The following PPM1G variants were observed in gnomAD, a reference collection of about 807,000 sequenced individuals.
The protein encoded by PPM1G is protein phosphatase 1G.
In PPM1G, 12 loss-of-function variants were observed where a neutral mutation model predicts 59.4. That is an observed-to-expected ratio of 0.20 (90% CI 0.13 to 0.33). The LOEUF (loss-of-function observed/expected upper bound fraction) is 0.33. Among genes scored for constraint, PPM1G ranks in the 10% least tolerant of loss-of-function variants. The pLI is 1.00. For missense variants in PPM1G, 392 were observed against 681.3 expected (o/e 0.58, Z 4.73); for synonymous variants, 245 against 251.9 (o/e 0.97, Z 0.26).
At position 27,381,351 on chromosome 2, in the gene PPM1G, C is replaced by T; in HGVS notation, c.*248G>A. 1 of 560,258 alleles carries T rather than the reference C, an allele frequency of 1.8e-6. No individual in the cohort carries two copies. The highest frequency in any genetic ancestry group is 3.2e-6 in the Non-Finnish European group (1 of 311,816). The allele number at this position is 560,258 out of a possible 1,614,324, so 34.7% of individuals were successfully genotyped here. ...AAACCAGAACCGCCAGTCCTTCCCT[C>T]CAACACAACAGAGCACAGGCACAGA... is the stretch of plus-strand genomic sequence containing the variant. On this transcript the variant is annotated 3_prime_UTR_variant, in exon 10 of 10. Transcript: ENST00000344034.
chr2:27,383,659 T>G lies in PPM1G; in HGVS notation c.967-59A>C. 1 of 1,479,992 alleles carries G rather than the reference T, an allele frequency of 6.8e-7. No individual in the cohort carries two copies. Among genetic ancestry groups the G allele is most frequent in the Non-Finnish European group, 9.2e-7 (1 of 1,086,310 alleles). The allele number at this position is 1,479,992 out of a possible 1,614,324, so 91.7% of individuals were successfully genotyped here. On this transcript the variant is annotated intron_variant, in intron 6 of 9. Coordinates refer to ENST00000344034, the MANE Select transcript of PPM1G (RefSeq NM_177983.3). The surrounding 1 kb of genome is among the most constrained non-coding windows in gnomAD (Gnocchi z 5.0). ...TCTGAACATGCGTTCCTCACTGATG[T>G]GCTCCTGATCGTTCACCTATGCTTG...
In PPM1G at chr2:27,409,384, G is replaced by C; in HGVS notation, c.39C>G (p.Cys13Trp). 2 of 1,540,758 alleles carry C rather than the reference G, an allele frequency of 1.3e-6. No homozygotes were observed. The highest frequency in any genetic ancestry group is 1.7e-6 in the Non-Finnish European group (2 of 1,142,946). The change falls in exon 1 of 10, where the codon TGC becomes TGG. Residue 13 changes from cysteine (C) to tryptophan (W), a missense_variant. Coordinates refer to ENST00000344034, the MANE Select transcript of PPM1G (RefSeq NM_177983.3). ...AYLSQPNTVKCSGDGVGAPRL... is the reference protein window; with the variant it reads ...AYLSQPNTVKWSGDGVGAPRL... ...GCGGGGCGCCGACCCCGTCCCCGGA[G>C]CACTTCACCGTGTTGGGCTGGGAGA...
chr2:27,408,047 CAA>C (rs769897290), intron 1 of PPM1G, among the ~76,000 whole-genome samples: 11 of 116,278 alleles, frequency 9.5e-5, no homozygotes, highest in Admixed American at 2.7e-4. Context: ...AATTCTGTCT[CAA>C]AAAAAAAAAA....
intron 1 of PPM1G, among the ~76,000 whole-genome samples, chr2:27,404,737 G>A (rs1663304622): frequency 6.6e-6 from 1 of 151,604 alleles, no homozygotes; most frequent in African/African-American, 2.4e-5. Flanking sequence ...GAGGTCAGGA[G>A]TTGGAGACCA....
chr2:27,394,804 G>A (rs1684006470), intron 1 of PPM1G, among the ~76,000 whole-genome samples: 1 of 149,994 alleles, frequency 6.7e-6, no homozygotes, highest in Admixed American at 6.7e-5. Flanking sequence ...TTTTCCAGGA[G>A]TTTGACACAA....
At chr2:27,400,713 G>C (rs1403530477) in intron 1 of PPM1G, among the ~76,000 whole-genome samples, 1 of 152,210 alleles carries the variant, frequency 6.6e-6, no homozygotes, top group Non-Finnish European at 1.5e-5. Context: ...GGAGTTCTGG[G>C]TCTTTTGCTT....
intron 1 of PPM1G, among the ~76,000 whole-genome samples, chr2:27,404,994 T>G (rs1373510718): frequency 1.3e-5 from 2 of 150,940 alleles, no homozygotes; most frequent in African/African-American, 2.4e-5. Context: ...TATTTTCAGA[T>G]TTGACTTCTT....
chr2:27,405,113 G>A (rs1244851789), intron 1 of PPM1G, among the ~76,000 whole-genome samples: 11 of 122,656 alleles, frequency 9.0e-5, no homozygotes, highest in African/African-American at 3.2e-4. Context: ...TCACCCTGTC[G>A]CCCAGGCTGG....
chr2:27,386,009 C>T (rs2148418913), intron 3 of PPM1G, 130 bp from the exon 4 acceptor site: 1 of 1,321,026 alleles, frequency 7.6e-7, no homozygotes, highest in Non-Finnish European at 1.0e-6. Flanking sequence ...ATAAAAACAG[C>T]TCAGAGGCCT....
rs1683722872 is a variant in PPM1G, at chr2:27,384,846, A to G, written c.652T>C (p.Ser218Pro). The G allele has an allele frequency of 6.2e-7, 1 of 1,614,024 alleles. No individual in the cohort carries two copies. Among genetic ancestry groups the G allele is most frequent in the Non-Finnish European group, 8.5e-7 (1 of 1,180,024 alleles). The change falls in exon 5 of 10, where the codon TCG (serine) becomes CCG (proline). Residue 218 changes from serine (S) to proline (P), a missense_variant. Transcript: ENST00000344034. This position sits in a 1 kb window ranked among gnomAD's most constrained non-coding sequence, Gnocchi z 4.8. ...TGGCCTGCCTCAGTCCCACGTTCCG[A>G]GTTGGAGGAAAAGCCTGTGTAGGCC... Reference protein sequence around the residue: ...AKAYTGFSSNSERGTEAGQVG... With the variant: ...AKAYTGFSSNPERGTEAGQVG...
intron 9 of PPM1G, 131 bp from the exon 10 acceptor site, chr2:27,381,936 GC>G: frequency 2.0e-6 from 2 of 1,018,128 alleles, no homozygotes; most frequent in Non-Finnish European, 1.5e-6. Flanking sequence ...TCACACAACG[GC>G]CCACCTGCTA....
intron 1 of PPM1G, among the ~76,000 whole-genome samples, chr2:27,401,204 A>AT (rs994270962): frequency 3.3e-5 from 5 of 152,322 alleles, no homozygotes; most frequent in East Asian, 1.9e-4. Context: ...TGTATGTGTG[A>AT]TTTTTTTAAA....
Position 27,409,589 on chromosome 2 carries a change from T to G in PPM1G, c.-167A>C. 2.3e-6 allele frequency: 2 copies of G among 876,322 alleles called. No homozygotes were observed. The highest frequency in any genetic ancestry group is 3.1e-6 in the Non-Finnish European group (2 of 649,220). The allele number at this position is 876,322 out of a possible 1,614,324, so 54.3% of individuals were successfully genotyped here. A position where few individuals can be genotyped will look rare whatever the true frequency, so the allele number is the denominator to read the frequency against. ...CAGGAGGCGGTAACGGGACGGGAGCTGTGAGGGAGCGGAAGCGGAAACGGC... is the reference window on the plus strand; with the variant it reads ...CAGGAGGCGGTAACGGGACGGGAGCGGTGAGGGAGCGGAAGCGGAAACGGC... On this transcript the variant is annotated 5_prime_UTR_variant, in exon 1 of 10. Coordinates refer to ENST00000344034, the MANE Select transcript of PPM1G (RefSeq NM_177983.3).
intron 1 of PPM1G, among the ~76,000 whole-genome samples, chr2:27,395,488 C>A (rs1056257710): frequency 6.6e-6 from 1 of 151,906 alleles, no homozygotes; most frequent in Non-Finnish European, 1.5e-5. Context: ...GAGATCATGC[C>A]GCTGCACTCC....
intron 1 of PPM1G, among the ~76,000 whole-genome samples, chr2:27,387,870 C>T (rs1683807715): frequency 6.6e-6 from 1 of 152,136 alleles, no homozygotes; most frequent in Non-Finnish European, 1.5e-5. Flanking sequence ...GCGATCTCTG[C>T]TCACTGCAAG....
chr2:27,388,196 G>A (rs1299353738), intron 1 of PPM1G, among the ~76,000 whole-genome samples: 2 of 151,816 alleles, frequency 1.3e-5, no homozygotes, highest in East Asian at 2.0e-4. Flanking sequence ...AGATCATGAA[G>A]TCAAGAGATC....
chr2:27,408,365 C>T (rs1663430855), intron 1 of PPM1G, among the ~76,000 whole-genome samples: 1 of 152,126 alleles, frequency 6.6e-6, no homozygotes. Context: ...CTTCACAAAG[C>T]CACGGTTAAC....
chr2:27,390,847 G>A (rs1572663239), intron 1 of PPM1G, among the ~76,000 whole-genome samples: 1 of 131,328 alleles, frequency 7.6e-6, no homozygotes, highest in East Asian at 2.4e-4. Flanking sequence ...ACCACCTCTA[G>A]TAGACCCATG....
At chr2:27,396,819 C>CA (rs771980529) in intron 1 of PPM1G, among the ~76,000 whole-genome samples, 175 of 125,316 alleles carry the variant, frequency 1.4e-3, no homozygotes, top group Admixed American at 6.2e-3. Context: ...CCGTCTCCAA[C>CA]AAAAAAAAAA....
Sources: gnomAD v4.1 joint callset for allele counts (sites outside exome capture counted in the v4.1 genomes callset) on GRCh38, gnomAD v4.1.1 for gene constraint, Gnocchi (gnomAD v3.1) non-coding constraint, MANE v1.5 for transcripts, NCBI Gene and HGNC (gene_info 2026-07-23, HGNC 2026-07-21) for gene names.